Variants in RBFOX1 observed in about 807,000 individuals in gnomAD.
RBFOX1 encodes RNA binding fox-1 homolog 1.
Under a neutral mutation model 57.7 loss-of-function variants are expected in RBFOX1, and 8 were observed. The observed-to-expected ratio is 0.14, with a 90% CI of 0.08 to 0.25. The LOEUF (loss-of-function observed/expected upper bound fraction) is 0.25, where lower values mean the gene tolerates loss of function less well. Ranked by LOEUF, RBFOX1 falls within the 10% of genes least tolerant of loss-of-function variation. The probability of loss-of-function intolerance (pLI) is 1.00; values close to 1 mark genes in which losing one functional copy is unlikely to be tolerated. For missense variants in RBFOX1, 611 were observed against 548.5 expected (o/e 1.11, Z -1.14); for synonymous variants, 326 against 222.4 (o/e 1.47, Z -4.15).
intron 4 of RBFOX1, among the ~76,000 whole-genome samples, chr16:7,186,994 C>CAAA (rs35177784): frequency 2.4e-3 from 163 of 68,740 alleles, no homozygotes; most frequent in Non-Finnish European, 3.2e-3. Context: ...CCCACCTCCA[C>CAAA]AAAAAAAAAA....
At chr16:7,696,650 C>A (rs1325841768) in intron 14 of RBFOX1, among the ~76,000 whole-genome samples, 1 of 152,092 alleles carries the variant, frequency 6.6e-6, no homozygotes, top group Non-Finnish European at 1.5e-5. Context: ...ATCAAAAGAC[C>A]TTCATGGTAT....
intron 3 of RBFOX1, among the ~76,000 whole-genome samples, chr16:7,034,116 G>A (rs1406015534): frequency 1.3e-5 from 2 of 152,176 alleles, no homozygotes; most frequent in East Asian, 1.9e-4. Context: ...TGCCATCCCT[G>A]GAGCAACAGG....
chr16:5,852,279 T>C lies in RBFOX1; in HGVS notation c.319-15024T>C, dbSNP rs556169357. Among the ~76,000 whole-genome samples the C allele has an allele frequency of 3.9e-3, 592 of 152,240 alleles. 6 individuals carry two copies. Among genetic ancestry groups the C allele is most frequent in the Middle Eastern group, 0.024 (7 of 294 alleles). On this transcript the variant is annotated intron_variant, in intron 3 of 19. Transcript: ENST00000641259. ...TCCCTCCCTGCCTTAGGTCGAGTTC[T>C]CCAGAGCTGAGATGTGGCTTTTGAA...
intron 4 of RBFOX1, among the ~76,000 whole-genome samples, chr16:7,159,988 C>T (rs1358641752): frequency 6.6e-6 from 1 of 152,124 alleles, no homozygotes; most frequent in East Asian, 1.9e-4. Context: ...TGTCATACTA[C>T]TTAATTGTTT....
chr16:6,133,194 T>C (rs569648721), intron 1 of RBFOX1, among the ~76,000 whole-genome samples: 1 of 152,238 alleles, frequency 6.6e-6, no homozygotes, highest in African/African-American at 2.4e-5. Flanking sequence ...GACAGGCCAT[T>C]ATATCAATTG....
intron 14 of RBFOX1, among the ~76,000 whole-genome samples, chr16:7,699,151 A>G (rs987737501): frequency 6.6e-6 from 1 of 152,260 alleles, no homozygotes; most frequent in Non-Finnish European, 1.5e-5. Flanking sequence ...TTGTAATAGA[A>G]AAGACCTCAC....
At chr16:5,884,880 T>G (rs1300056263) in intron 4 of RBFOX1, among the ~76,000 whole-genome samples, 1 of 152,128 alleles carries the variant, frequency 6.6e-6, no homozygotes, top group Non-Finnish European at 1.5e-5. Context: ...GGAGTGTCTT[T>G]CTCCCATTTT....
intron 1 of RBFOX1, among the ~76,000 whole-genome samples, chr16:5,390,237 A>G (rs997314291): frequency 1.3e-5 from 2 of 151,760 alleles, no homozygotes; most frequent in African/African-American, 4.8e-5. Context: ...ATTTTATAAA[A>G]TATATATGTA....
At position 6,883,952 on chromosome 16, in the gene RBFOX1, C is replaced by A. The variant is rs373819575; in HGVS notation, c.-15-168105C>A. Among the ~76,000 whole-genome samples the A allele has an allele frequency of 6.6e-5, 10 of 152,224 alleles. 2 individuals carry two copies. The highest frequency in any genetic ancestry group is 1.9e-4 in the East Asian group (1 of 5,174). The stretch of plus-strand genomic sequence containing the variant: ...GTACAAATGACGTTGCTACTTGCCA[C>A]GGTCCAAAGCGCAGAGGAGATGGGG... On this transcript the variant is annotated intron_variant, in intron 3 of 15. Transcript: ENST00000550418.
At chr16:5,416,549 A>G (rs1242651115) in intron 1 of RBFOX1, among the ~76,000 whole-genome samples, 1 of 152,220 alleles carries the variant, frequency 6.6e-6, no homozygotes, top group African/African-American at 2.4e-5. Context: ...TGCATAGGTT[A>G]TAGAATTCCA....
chr16:5,848,788 A>G (rs1376054299), intron 3 of RBFOX1, among the ~76,000 whole-genome samples: 1 of 152,130 alleles, frequency 6.6e-6, no homozygotes, highest in Non-Finnish European at 1.5e-5. Context: ...CTCTAATAAA[A>G]AAATACAAAA....
intron 2 of RBFOX1, among the ~76,000 whole-genome samples, chr16:5,524,114 C>T (rs2044137867): frequency 6.6e-6 from 1 of 152,158 alleles, no homozygotes; most frequent in African/African-American, 2.4e-5. Context: ...TCACAGGATG[C>T]AATAAAGACA....
intron 4 of RBFOX1, among the ~76,000 whole-genome samples, chr16:5,981,956 G>C (rs995377658): frequency 2.6e-5 from 4 of 152,200 alleles, no homozygotes; most frequent in Non-Finnish European, 4.4e-5. Flanking sequence ...AGTCCCAAAG[G>C]TCAGTGGTGC....
chr16:6,600,969 T>A (rs1222487440), intron 2 of RBFOX1, among the ~76,000 whole-genome samples: 1 of 152,170 alleles, frequency 6.6e-6, no homozygotes, highest in Non-Finnish European at 1.5e-5. Flanking sequence ...TATAGCCTCT[T>A]AAATGTGATT....
At chr16:5,369,984 C>G (rs1164491261) in intron 1 of RBFOX1, among the ~76,000 whole-genome samples, 1 of 152,124 alleles carries the variant, frequency 6.6e-6, no homozygotes, top group Non-Finnish European at 1.5e-5. Flanking sequence ...CCTGCCAGTA[C>G]TGCCCTGGAT....
chr16:7,478,435 C>T (rs1599467264), intron 4 of RBFOX1, among the ~76,000 whole-genome samples: 1 of 152,122 alleles, frequency 6.6e-6, no homozygotes, highest in African/African-American at 2.4e-5. Context: ...AATAGTGTAG[C>T]AATCTGAGCT....
intron 2 of RBFOX1, among the ~76,000 whole-genome samples, chr16:6,494,658 G>A (rs1004886104): frequency 8.5e-5 from 13 of 152,284 alleles, no homozygotes; most frequent in Middle Eastern, 3.4e-3. Flanking sequence ...AGGTTTTTGC[G>A]TGACCGTGAG....
chr16:5,460,646 G>A (rs550519734), intron 1 of RBFOX1, among the ~76,000 whole-genome samples: 47 of 152,302 alleles, frequency 3.1e-4, no homozygotes, highest in African/African-American at 1.1e-3. Flanking sequence ...TGAAGGGTGA[G>A]GAATGTTCTG....
intron 4 of RBFOX1, among the ~76,000 whole-genome samples, chr16:7,063,619 T>C (rs1215287909): frequency 6.6e-6 from 1 of 152,194 alleles, no homozygotes; most frequent in African/African-American, 2.4e-5. Flanking sequence ...TGTCTCAGCC[T>C]TATCCTAGGA....
Sources: allele counts gnomAD v4.1 joint callset (sites outside exome capture counted in the v4.1 genomes callset), GRCh38; gene constraint gnomAD v4.1.1; transcripts MANE v1.5; gene names NCBI Gene and HGNC (gene_info 2026-07-23, HGNC 2026-07-21).